Variants in FAM135B observed in about 807,000 individuals in gnomAD.
The protein encoded by FAM135B is family with sequence similarity 135 member B.
In FAM135B, 43 loss-of-function variants were observed where a neutral mutation model predicts 127.7. The observed-to-expected ratio is 0.34, with a 90% CI of 0.26 to 0.43. The LOEUF is 0.43. Among genes scored for constraint, FAM135B ranks in the 20% least tolerant of loss-of-function variants. The pLI is 1.00. For missense variants in FAM135B, 1,558 were observed against 1,725.6 expected (o/e 0.90, Z 1.72); for synonymous variants, 670 against 665.1 (o/e 1.01, Z -0.11).
intron 1 of FAM135B, among the ~76,000 whole-genome samples, chr8:138,431,803 G>A (rs1218219350): frequency 6.6e-6 from 1 of 152,124 alleles, no homozygotes; most frequent in East Asian, 1.9e-4. Context: ...TGCAAGGCTG[G>A]GTCCCTTTAG....
chr8:138,489,055 A>T (rs1815103313), intron 1 of FAM135B, among the ~76,000 whole-genome samples: 1 of 152,162 alleles, frequency 6.6e-6, no homozygotes. Flanking sequence ...TCTCCTAGCC[A>T]ATCACTGCTA....
At chr8:138,385,824 CAAAAT>C (rs992406238) in intron 1 of FAM135B, among the ~76,000 whole-genome samples, 58 of 152,140 alleles carry the variant, frequency 3.8e-4, no homozygotes, top group African/African-American at 1.2e-3. Context: ...AAAACAATAA[CAAAAT>C]AAAGCAAAAG....
At chr8:138,379,146 A>C (rs902341416) in intron 1 of FAM135B, among the ~76,000 whole-genome samples, 1 of 152,166 alleles carries the variant, frequency 6.6e-6, no homozygotes, top group African/African-American at 2.4e-5. Context: ...TGTGTACATA[A>C]GCACATACAA....
At chr8:138,308,734 TG>T (rs1479783395) in intron 3 of FAM135B, among the ~76,000 whole-genome samples, 1 of 152,190 alleles carries the variant, frequency 6.6e-6, no homozygotes, top group Non-Finnish European at 1.5e-5. Context: ...TGCAGCCCTC[TG>T]GTCCTCACAG....
At chr8:138,250,378 A>G (rs1250930059) in intron 6 of FAM135B, among the ~76,000 whole-genome samples, 1 of 152,180 alleles carries the variant, frequency 6.6e-6, no homozygotes, top group Non-Finnish European at 1.5e-5. Context: ...ACAAACAAAC[A>G]AATGAATGAA....
chr8:138,481,277 C>T (rs137936845), intron 1 of FAM135B, among the ~76,000 whole-genome samples: 1 of 152,318 alleles, frequency 6.6e-6, no homozygotes, highest in East Asian at 1.9e-4. Flanking sequence ...AGTCAATCAT[C>T]CAGGCCACCT....
intron 9 of FAM135B, among the ~76,000 whole-genome samples, chr8:138,184,728 T>C (rs746075740): frequency 9.9e-5 from 15 of 152,252 alleles, no homozygotes; most frequent in Non-Finnish European, 1.8e-4. Context: ...GCTATGTGCC[T>C]GCTGGATGTC....
intron 12 of FAM135B, among the ~76,000 whole-genome samples, chr8:138,165,931 C>T (rs1025428867): frequency 2.0e-5 from 3 of 152,150 alleles, no homozygotes; most frequent in African/African-American, 7.2e-5. Flanking sequence ...TTGGAAGTCA[C>T]TTGGATTTTT....
intron 9 of FAM135B, among the ~76,000 whole-genome samples, chr8:138,193,525 GA>G (rs1435892507): frequency 6.6e-6 from 1 of 152,194 alleles, no homozygotes; most frequent in Non-Finnish European, 1.5e-5. Context: ...AGCCGAGTTG[GA>G]AAGCTGCCTG....
At chr8:138,369,313 A>G (rs111951322) in intron 1 of FAM135B, among the ~76,000 whole-genome samples, 4 of 152,272 alleles carry the variant, frequency 2.6e-5, no homozygotes, top group African/African-American at 9.6e-5. Flanking sequence ...GTCTCCTTCC[A>G]AAGCCCCTCT....
rs796749229 is a variant in FAM135B at position 138,285,763 on chromosome 8, C to A, written c.158-19921G>T. Among the ~76,000 whole-genome samples, 16 of 152,276 alleles carry A rather than the reference C, an allele frequency of 1.1e-4. 1 individual carries two copies. The highest frequency in any genetic ancestry group is 3.9e-4 in the African/African-American group (16 of 41,552). On this transcript the variant is annotated intron_variant, in intron 3 of 19. Coordinates refer to ENST00000395297, the MANE Select transcript of FAM135B (RefSeq NM_015912.4). Reference sequence around the variant, plus strand: ...GTGTCTTAAACTTTAACAATATTGACCTGAATTGCTCTAAACCAAAGCCAT... The same window carrying A: ...GTGTCTTAAACTTTAACAATATTGAACTGAATTGCTCTAAACCAAAGCCAT...
chr8:138,386,505 G>T (rs1281554923), intron 1 of FAM135B, among the ~76,000 whole-genome samples: 1 of 152,264 alleles, frequency 6.6e-6, no homozygotes, highest in East Asian at 1.9e-4. Context: ...AGGGCTGGAA[G>T]AAAAGAATGG....
rs2130490268 is a variant in FAM135B at position 138,251,021 on chromosome 8, G to A, written c.369-7C>T. On this transcript the variant is annotated splice_region_variant and splice_polypyrimidine_tract_variant and intron_variant, in intron 5 of 19. Coordinates refer to ENST00000395297, the MANE Select transcript of FAM135B (RefSeq NM_015912.4). ...CCCAGCCACATCCCTCAACCTAGAA[G>A]GCAAGCATGTGAGCTCACGTGAGAA... is the stretch of plus-strand genomic sequence containing the variant. 6.2e-7 allele frequency: 1 copy of A among 1,613,736 alleles called. No individual in the cohort carries two copies. Among genetic ancestry groups the A allele is most frequent in the Non-Finnish European group, 8.5e-7 (1 of 1,179,972 alleles).
At position 138,132,835 on chromosome 8, in the gene FAM135B, G is replaced by A. The variant is rs758178557; in HGVS notation, c.4016-37C>T. Reference sequence around the variant, plus strand: ...GGAAGAAGGACATGAAGCTGGTGCAGAAATTAGCAGTGGAATCTAGAGAAC... The same window carrying A: ...GGAAGAAGGACATGAAGCTGGTGCAAAAATTAGCAGTGGAATCTAGAGAAC... On this transcript the variant is annotated intron_variant, in intron 19 of 19. Transcript: ENST00000395297. This position sits in a 1 kb window ranked among gnomAD's most constrained non-coding sequence, Gnocchi z 4.5. The A allele has an allele frequency of 7.6e-6, 12 of 1,583,702 alleles. No individual in the cohort carries two copies. The highest frequency in any genetic ancestry group is 1.0e-5 in the Non-Finnish European group (12 of 1,153,208).
chr8:138,486,546 T>A (rs1814991741), intron 1 of FAM135B, among the ~76,000 whole-genome samples: 1 of 152,152 alleles, frequency 6.6e-6, no homozygotes. Context: ...CGGGAGCTGC[T>A]TTTCCCAGAA....
chr8:138,227,737 T>TTTGG (rs1554637933), intron 7 of FAM135B, among the ~76,000 whole-genome samples: 2 of 135,182 alleles, frequency 1.5e-5, no homozygotes, highest in African/African-American at 6.2e-5. Context: ...TTTTTTTTTT[T>TTTGG]TGGTGGTGGT....
chr8:138,143,437 T>C (rs1028830239), intron 15 of FAM135B, among the ~76,000 whole-genome samples: 17 of 152,062 alleles, frequency 1.1e-4, no homozygotes, highest in African/African-American at 3.1e-4. Context: ...GAGGAGGAAA[T>C]AGACTCTGGG....
At chr8:138,403,971 T>C (rs776652196) in intron 1 of FAM135B, among the ~76,000 whole-genome samples, 14 of 152,164 alleles carry the variant, frequency 9.2e-5, no homozygotes, top group Non-Finnish European at 1.6e-4. Flanking sequence ...GGGAAGTACT[T>C]GCACAACAAT....
chr8:138,392,728 C>T lies in FAM135B; in HGVS notation c.-19-24726G>A, dbSNP rs529016823. ...CTCTTTTACTCTTTTTCAACTGTGC[C>T]GGGGGCATGGAATTACATTAGTCCA... On this transcript the variant is annotated intron_variant, in intron 1 of 19. Transcript: ENST00000395297. 3.0e-4 allele frequency among the ~76,000 whole-genome samples: 45 copies of T among 152,126 alleles called. No individual in the cohort carries two copies. In the South Asian group the frequency reaches 7.7e-3, roughly 26 times the overall value.
Sources: gnomAD v4.1 joint callset for allele counts (sites outside exome capture counted in the v4.1 genomes callset) on GRCh38, gnomAD v4.1.1 for gene constraint, Gnocchi (gnomAD v3.1) non-coding constraint, MANE v1.5 for transcripts, NCBI Gene and HGNC (gene_info 2026-07-23, HGNC 2026-07-21) for gene names.